The following ZFHX3 variants were observed in gnomAD, a reference collection of about 807,000 sequenced individuals.
ZFHX3 encodes the protein zinc finger homeobox protein 3.
In ZFHX3, 42 loss-of-function variants were observed where a neutral mutation model predicts 279.1. The observed-to-expected ratio is 0.15, with a 90% confidence interval of 0.12 to 0.19. ZFHX3 has a LOEUF of 0.19. ZFHX3 is among the 10% of genes least tolerant of loss of function. The probability of loss-of-function intolerance (pLI) is 1.00; values close to 1 mark genes in which losing one functional copy is unlikely to be tolerated. For synonymous variants in ZFHX3, 2,293 were observed against 1,957.8 expected, an observed-to-expected ratio of 1.17 and a Z score of -4.52; for missense variants, 4,981 against 4,754.0, an observed-to-expected ratio of 1.05 and a Z score of -1.40.
chr16:73,801,060 C>T (rs896752721), intron 1 of ZFHX3, among the ~76,000 whole-genome samples: 2 of 152,306 alleles, frequency 1.3e-5, no homozygotes, highest in African/African-American at 2.4e-5. Flanking sequence ...GAAATGAATG[C>T]TACCACTTAG....
At chr16:73,871,175 G>A (rs946722155) in intron 1 of ZFHX3, among the ~76,000 whole-genome samples, 9 of 152,170 alleles carry the variant, frequency 5.9e-5, no homozygotes, top group African/African-American at 2.2e-4. Flanking sequence ...AGCACATGGT[G>A]CTCAATTACA....
intron 1 of ZFHX3, among the ~76,000 whole-genome samples, chr16:73,861,716 C>T (rs552932165): frequency 2.7e-4 from 41 of 152,232 alleles, no homozygotes; most frequent in Admixed American, 2.1e-3. Flanking sequence ...TACTGCCAGC[C>T]GGGCACAGTG....
intron 5 of ZFHX3, among the ~76,000 whole-genome samples, chr16:73,160,380 A>G (rs1312314086): frequency 6.6e-6 from 1 of 152,216 alleles, no homozygotes; most frequent in African/African-American, 2.4e-5. Flanking sequence ...GTGATTTGCA[A>G]AGGTTGTTTC....
intron 7 of ZFHX3, among the ~76,000 whole-genome samples, chr16:73,112,019 G>T (rs1486313127): frequency 6.6e-6 from 1 of 151,950 alleles, no homozygotes; most frequent in Non-Finnish European, 1.5e-5. Flanking sequence ...GTTTGCAGTT[G>T]TAGAATCTTA....
At chr16:72,983,590 C>A (rs1458065632) in intron 1 of ZFHX3, among the ~76,000 whole-genome samples, 1 of 152,154 alleles carries the variant, frequency 6.6e-6, no homozygotes, top group Non-Finnish European at 1.5e-5. Context: ...ACCTGTAGTC[C>A]CAGCTACTCA....
intron 2 of ZFHX3, among the ~76,000 whole-genome samples, chr16:73,612,901 AAG>A (rs2052261419): frequency 6.6e-6 from 1 of 152,226 alleles, no homozygotes; most frequent in Non-Finnish European, 1.5e-5. Flanking sequence ...AATGAAAAAA[AAG>A]AAGTAGGGAT....
At position 72,788,001 on chromosome 16, in the gene ZFHX3, T is replaced by A. The variant is rs1279076695; in HGVS notation, c.10275A>T (p.Lys3425Asn). The change falls in exon 10 of 10, where the codon AAA becomes AAT. Residue 3425 changes from lysine to asparagine, a missense_variant. By Grantham distance (94) the Lys-to-Asn change is moderately conservative. Around this residue, in one of 7 missense-constraint regions of ZFHX3, gnomAD observed 1,034 missense variants for 786.0 expected, o/e 1.32. Transcript: ENST00000268489. The part of the protein sequence containing the change: ...AKESPKPEEQ[K>N]NTPREVSPLL... ...GGGGGGACACCTCACGGGGGGTGTT[T>A]TTCTGTTCTTCTGGTTTGGGGGATT... 2 of 1,613,088 alleles carry A rather than the reference T, an allele frequency of 1.2e-6. No individual in the cohort carries two copies. The highest frequency in any genetic ancestry group is 4.5e-5 in the East Asian group (2 of 44,804).
intron 1 of ZFHX3, among the ~76,000 whole-genome samples, chr16:72,998,138 C>A (rs1387419922): frequency 6.6e-6 from 1 of 152,126 alleles, no homozygotes; most frequent in Non-Finnish European, 1.5e-5. Context: ...CGGTGGCTCA[C>A]ACCTATAATC....
intron 3 of ZFHX3, among the ~76,000 whole-genome samples, chr16:73,330,937 T>C (rs2015789962): frequency 6.6e-6 from 1 of 152,184 alleles, no homozygotes; most frequent in Non-Finnish European, 1.5e-5. Flanking sequence ...CTAGTGTTCT[T>C]GTTGGTCATG....
At chr16:72,939,356 A>G (rs1250586323) in intron 3 of ZFHX3, among the ~76,000 whole-genome samples, 1 of 152,218 alleles carries the variant, frequency 6.6e-6, no homozygotes, top group Admixed American at 6.5e-5. Context: ...CTGGAACATG[A>G]AACATTCAAA....
chr16:73,045,420 A>G (rs535769395), intron 1 of ZFHX3, among the ~76,000 whole-genome samples: 1 of 152,288 alleles, frequency 6.6e-6, no homozygotes, highest in African/African-American at 2.4e-5. Flanking sequence ...GGGCTGTCCA[A>G]TTGGCACTGA....
chr16:73,618,026 A>G (rs147898180), intron 2 of ZFHX3, among the ~76,000 whole-genome samples: 27 of 152,310 alleles, frequency 1.8e-4, no homozygotes, highest in Middle Eastern at 6.8e-3. Flanking sequence ...ATGTTCAGGC[A>G]CTGTCAGATC....
intron 1 of ZFHX3, among the ~76,000 whole-genome samples, chr16:72,966,968 C>G (rs1961872539): frequency 6.6e-6 from 1 of 152,166 alleles, no homozygotes; most frequent in Non-Finnish European, 1.5e-5. Context: ...ATCAGGCAGC[C>G]TATGAAAGGT....
At chr16:72,841,996 G>A (rs189984473) in intron 4 of ZFHX3, among the ~76,000 whole-genome samples, 1 of 152,298 alleles carries the variant, frequency 6.6e-6, no homozygotes, top group African/African-American at 2.4e-5. Flanking sequence ...TCGGGCAGAA[G>A]GTGCAGTTTA....
intron 5 of ZFHX3, among the ~76,000 whole-genome samples, chr16:73,197,251 T>C (rs1968170614): frequency 6.6e-6 from 1 of 152,216 alleles, no homozygotes; most frequent in South Asian, 2.1e-4. Flanking sequence ...TTACTGTGGT[T>C]ACAATGTCAT....
intron 7 of ZFHX3, chr16:73,127,468 C>G (rs1226452503): frequency 7.7e-7 from 1 of 1,305,434 alleles, no homozygotes; most frequent in Admixed American, 2.3e-5. Flanking sequence ...GAGAGCCGGG[C>G]ATCGACAGGC....
At chr16:73,132,073 G>A (rs1169609256) in intron 6 of ZFHX3, among the ~76,000 whole-genome samples, 2 of 152,044 alleles carry the variant, frequency 1.3e-5, no homozygotes, top group East Asian at 3.9e-4. Context: ...ATTGCTTGAG[G>A]CCAGGAGTTC....
chr16:73,483,880 G>T (rs2018919693), intron 2 of ZFHX3, among the ~76,000 whole-genome samples: 1 of 151,294 alleles, frequency 6.6e-6, no homozygotes. Context: ...GAAGAAAAGC[G>T]CAGGCGGCTG....
chr16:72,865,247 A>C (rs1359400976), intron 4 of ZFHX3, among the ~76,000 whole-genome samples: 3 of 152,254 alleles, frequency 2.0e-5, no homozygotes, highest in African/African-American at 7.2e-5. Context: ...CTGAGGACTC[A>C]GTTGAGAACC....
Sources: allele counts gnomAD v4.1 joint callset (sites outside exome capture counted in the v4.1 genomes callset), GRCh38; gene constraint gnomAD v4.1.1; regional missense constraint gnomAD v4.1.1; transcripts MANE v1.5; gene names NCBI Gene and HGNC (gene_info 2026-07-23, HGNC 2026-07-21).